Variants in GPHN observed in about 807,000 individuals in gnomAD.
The protein encoded by GPHN is gephyrin.
In GPHN, 17 loss-of-function variants were observed where a neutral mutation model predicts 95.5. The ratio of observed to expected loss-of-function variants is 0.18; its 90% CI spans 0.12 to 0.27. The LOEUF is 0.27. Among genes scored for constraint, GPHN ranks in the 10% least tolerant of loss-of-function variants. The probability of loss-of-function intolerance (pLI) is 1.00; values close to 1 mark genes in which losing one functional copy is unlikely to be tolerated. For synonymous variants in GPHN, 320 were observed against 322.5 expected (o/e 0.99, Z 0.08); for missense variants, 660 against 978.1 (o/e 0.67, Z 4.34).
intron 8 of GPHN, among the ~76,000 whole-genome samples, chr14:66,955,463 A>G (rs991314238): frequency 1.3e-5 from 2 of 152,160 alleles, no homozygotes; most frequent in East Asian, 3.9e-4. Context: ...CTCAACAGCA[A>G]TGTTCCTACT....
At chr14:66,615,645 A>G (rs567666440) in intron 1 of GPHN, among the ~76,000 whole-genome samples, 1 of 148,450 alleles carries the variant, frequency 6.7e-6, no homozygotes, top group Admixed American at 6.7e-5. Context: ...GATTGCAAAA[A>G]TTTTCTCCCA....
chr14:66,589,695 C>G (rs1296814131), intron 1 of GPHN, among the ~76,000 whole-genome samples: 1 of 152,070 alleles, frequency 6.6e-6, no homozygotes, highest in African/African-American at 2.4e-5. Context: ...TTCTTAGAGA[C>G]CTACAAAGAG....
chr14:67,585,504 A>G, the GPHN span: 1 of 1,124,878 alleles, frequency 8.9e-7, no homozygotes, highest in Non-Finnish European at 1.3e-6. Context: ...CTTTCTCAGA[A>G]AGTTATTATA....
chr14:67,350,615 A>G, the GPHN span: 1 of 1,613,122 alleles, frequency 6.2e-7, no homozygotes, highest in Non-Finnish European at 8.5e-7. Flanking sequence ...CCTTACCTGA[A>G]GTCACCTGCT....
At chr14:66,777,554 C>T (rs929703918) in intron 3 of GPHN, among the ~76,000 whole-genome samples, 6 of 152,144 alleles carry the variant, frequency 3.9e-5, no homozygotes, top group African/African-American at 1.2e-4. Flanking sequence ...CCTTGATGAA[C>T]ATTGATGCAA....
chr14:67,350,489 TTATTA>T, the GPHN span: 1 of 741,970 alleles, frequency 1.3e-6, no homozygotes, highest in East Asian at 2.9e-5. Context: ...GAATTCTTTC[TTATTA>T]TTACTATATC....
At chr14:66,735,993 A>T (rs191612048) in intron 2 of GPHN, among the ~76,000 whole-genome samples, 4 of 152,334 alleles carry the variant, frequency 2.6e-5, no homozygotes, top group Admixed American at 2.6e-4. Flanking sequence ...TTGCTAGGTT[A>T]CACAGCTAAC....
chr14:67,157,475 G>C (rs2081663424), intron 18 of GPHN, among the ~76,000 whole-genome samples: 1 of 152,140 alleles, frequency 6.6e-6, no homozygotes, highest in African/African-American at 2.4e-5. Context: ...GATAGACAGT[G>C]GGGTAGAAAG....
rs893386442 is a variant in GPHN at position 67,090,757 on chromosome 14, A to T, written c.1237+1682A>T. On this transcript the variant is annotated intron_variant, in intron 12 of 22. Coordinates refer to ENST00000478722, the MANE Select transcript of GPHN (RefSeq NM_020806.5). ...CAAATGATTAAGGCTACAGGCATTG[A>T]GCAAAGCTCAAGTGATCTGGGTTTT... 3.3e-5 allele frequency among the ~76,000 whole-genome samples: 5 copies of T among 152,064 alleles called. No individual in the cohort carries two copies. In the East Asian group the frequency reaches 9.6e-4, roughly 29 times the overall value.
intron 9 of GPHN, among the ~76,000 whole-genome samples, chr14:66,976,454 G>C (rs983596900): frequency 3.9e-5 from 6 of 152,214 alleles, no homozygotes; most frequent in Non-Finnish European, 7.4e-5. Context: ...GCATGATTTA[G>C]AGCTATTTAA....
At chr14:67,719,771 CCCAA>C in the GPHN span, among the ~76,000 whole-genome samples, 1 of 152,150 alleles carries the variant, frequency 6.6e-6, no homozygotes, top group Non-Finnish European at 1.5e-5. Flanking sequence ...AGCCACAGTG[CCCAA>C]CCAAAATTTA....
intron 5 of GPHN, among the ~76,000 whole-genome samples, chr14:66,882,989 A>AT (rs1435699969): frequency 9.2e-5 from 14 of 151,576 alleles, no homozygotes; most frequent in East Asian, 1.9e-4. Context: ...CTTTGAAGAT[A>AT]TTTTTTCTGC....
chr14:66,575,609 G>T (rs2060870083), intron 1 of GPHN, among the ~76,000 whole-genome samples: 1 of 152,176 alleles, frequency 6.6e-6, no homozygotes. Flanking sequence ...AGTTTGTCAG[G>T]CCTGGTGCCT....
intron 13 of GPHN, among the ~76,000 whole-genome samples, chr14:67,109,550 CTG>C (rs2078249337): frequency 6.6e-6 from 1 of 152,160 alleles, no homozygotes. Flanking sequence ...ATTACAGACA[CTG>C]GAATCATTTT....
chr14:66,531,901 G>A (rs1267288427), intron 1 of GPHN, among the ~76,000 whole-genome samples: 2 of 152,118 alleles, frequency 1.3e-5, no homozygotes, highest in African/African-American at 4.8e-5. Context: ...GGCTTTGTGA[G>A]CTGTATATGA....
chr14:66,917,472 A>T (rs2065972335), intron 6 of GPHN, among the ~76,000 whole-genome samples: 1 of 152,196 alleles, frequency 6.6e-6, no homozygotes, highest in Non-Finnish European at 1.5e-5. Context: ...CCCTTACTGC[A>T]TAACCTATCC....
intron 11 of GPHN, among the ~76,000 whole-genome samples, chr14:67,080,758 CCT>C (rs1346966037): frequency 1.3e-5 from 2 of 152,082 alleles, no homozygotes; most frequent in African/African-American, 4.8e-5. Context: ...CCCTCACCTG[CCT>C]CCGACCCTTT....
At chr14:67,113,441 A>G (rs2078492979) in intron 16 of GPHN, among the ~76,000 whole-genome samples, 1 of 152,250 alleles carries the variant, frequency 6.6e-6, no homozygotes, top group African/African-American at 2.4e-5. Context: ...CCACAAAGTC[A>G]GTACACATAA....
chr14:67,395,518 C>T, the GPHN span: 1 of 1,614,148 alleles, frequency 6.2e-7, no homozygotes, highest in Non-Finnish European at 8.5e-7. Flanking sequence ...AGGCATCCCG[C>T]TCCTCTCGAG....
Sources: allele counts gnomAD v4.1 joint callset (sites outside exome capture counted in the v4.1 genomes callset), GRCh38; gene constraint gnomAD v4.1.1; transcripts MANE v1.5; gene names NCBI Gene and HGNC (gene_info 2026-07-23, HGNC 2026-07-21).